The following MCCC2 variants were observed in gnomAD, a reference collection of about 807,000 sequenced individuals.
The protein encoded by MCCC2 is methylcrotonyl-CoA carboxylase subunit 2.
MCCC2 carries 52 observed loss-of-function variants against 77.2 expected under a neutral mutation model. The observed-to-expected ratio is 0.67, with a 90% CI of 0.54 to 0.85. The LOEUF is 0.85. Ranked by LOEUF, MCCC2 falls within the 40% of genes least tolerant of loss-of-function variation. MCCC2 has a pLI of 0.00. For missense variants in MCCC2, 682 were observed against 703.2 expected, an observed-to-expected ratio of 0.97 and a Z score of 0.34; for synonymous variants, 253 against 248.4, an observed-to-expected ratio of 1.02 and a Z score of -0.18.
At chr5:71,640,234 A>G (rs1032699999) in intron 10 of MCCC2, among the ~76,000 whole-genome samples, 2 of 152,254 alleles carry the variant, frequency 1.3e-5, no homozygotes, top group Non-Finnish European at 1.5e-5. Flanking sequence ...TGAGAGCCTG[A>G]CAGTATGCTT....
intron 6 of MCCC2, among the ~76,000 whole-genome samples, chr5:71,611,771 A>G (rs1490170608): frequency 6.6e-6 from 1 of 151,894 alleles, no homozygotes; most frequent in African/African-American, 2.4e-5. Flanking sequence ...CTATATCTCA[A>G]ATACTTTATT....
chr5:71,633,887 ATGT>A (rs917006130), intron 8 of MCCC2, among the ~76,000 whole-genome samples: 12 of 152,204 alleles, frequency 7.9e-5, no homozygotes, highest in Non-Finnish European at 1.5e-4. Context: ...ACATGATAAA[ATGT>A]TGTATTAAAT....
rs1348859637 is a variant in MCCC2 at position 71,587,443 on chromosome 5, G to A, written c.18G>A (p.Arg6=). The A allele has an allele frequency of 6.5e-7, 1 of 1,535,230 alleles. No homozygotes were observed. Among genetic ancestry groups the A allele is most frequent in the East Asian group, 2.4e-5 (1 of 40,956 alleles). MWAVL[R]LALRPCARAS... Reference sequence around the variant, plus strand: ...CCGCCGCCATGTGGGCCGTCCTGAGGTTAGCCCTGCGGCCGTGTGCCCGCG... The same window carrying A: ...CCGCCGCCATGTGGGCCGTCCTGAGATTAGCCCTGCGGCCGTGTGCCCGCG... Residue 6 remains arginine, a synonymous_variant, in exon 1 of 17, where the codon AGG becomes AGA. Coordinates refer to ENST00000340941, the MANE Select transcript of MCCC2 (RefSeq NM_022132.5).
chr5:71,596,207 TATTATG>T, intron 2 of MCCC2, 67 bp from the exon 3 acceptor site: 1 of 554,968 alleles, frequency 1.8e-6, no homozygotes. Flanking sequence ...TTGGATTAAG[TATTATG>T]TTTTTCTGGC....
intron 4 of MCCC2, 103 bp from the exon 5 acceptor site, chr5:71,602,402 AC>A (rs1161064291): frequency 2.6e-5 from 36 of 1,395,578 alleles, no homozygotes; most frequent in Non-Finnish European, 3.5e-5. Flanking sequence ...TAATAGTGAT[AC>A]GTACTAGAAG....
chr5:71,651,459 T>C (rs1391180), intron 15 of MCCC2, among the ~76,000 whole-genome samples: 121,617 of 152,206 alleles, frequency 0.8, 49,928 homozygotes, highest in East Asian at 0.98. Context: ...TTAACTCCTG[T>C]GTAAGCACCA....
rs991091184 is a variant in MCCC2, at chr5:71,602,533, T to A, written c.411T>A (p.Asp137Glu). 9.3e-6 allele frequency: 15 copies of A among 1,614,048 alleles called. No homozygotes were observed. The highest frequency in any genetic ancestry group is 1.3e-5 in the African/African-American group (1 of 74,930). The change falls in exon 5 of 17, where the codon GAT becomes GAA. Residue 137 changes from aspartate to glutamate, a missense_variant. Transcript: ENST00000340941. The stretch of plus-strand genomic sequence containing the variant: ...TAGAATGCATGATTATTGCCAATGA[T>A]GCCACCGTCAAAGGAGGTGCCTACT... ...SGVECMIIANDATVKGGAYYP... is the reference protein window; with the variant it reads ...SGVECMIIANEATVKGGAYYP...
At position 71,604,353 on chromosome 5, in the gene MCCC2, C is replaced by A; in HGVS notation, c.512-3C>A. ...GCTTATGTTTCTCATTTCTTGTCTT[C>A]AGTTGATTCGGGAGGAGCATACTTA... On this transcript the variant is annotated splice_region_variant and splice_polypyrimidine_tract_variant and intron_variant, in intron 5 of 16. Coordinates refer to ENST00000340941, the MANE Select transcript of MCCC2 (RefSeq NM_022132.5). The A allele has an allele frequency of 6.2e-7, 1 of 1,612,864 alleles. No homozygotes were observed. The highest frequency in any genetic ancestry group is 8.5e-7 in the Non-Finnish European group (1 of 1,178,832).
intron 11 of MCCC2, 38 bp downstream of exon 11, chr5:71,641,113 G>T (rs567037694): frequency 6.4e-7 from 1 of 1,562,464 alleles, no homozygotes; most frequent in South Asian, 1.1e-5. Context: ...AACATTTTCT[G>T]CTGCTTTGAA....
chr5:71,598,199 G>A (rs1745268083), intron 3 of MCCC2, among the ~76,000 whole-genome samples: 1 of 151,562 alleles, frequency 6.6e-6, no homozygotes, highest in African/African-American at 2.4e-5. Context: ...AGCCTCCCGA[G>A]TAGCTGGATT....
intron 6 of MCCC2, among the ~76,000 whole-genome samples, chr5:71,619,389 G>A (rs1580304136): frequency 6.6e-6 from 1 of 152,166 alleles, no homozygotes; most frequent in East Asian, 1.9e-4. Context: ...AAGTGGTTGG[G>A]ACTTCAGGTG....
intron 16 of MCCC2, 131 bp downstream of exon 16, chr5:71,652,885 A>T: frequency 1.2e-6 from 1 of 801,294 alleles, no homozygotes; most frequent in Non-Finnish European, 2.1e-6. Context: ...GGACACACTT[A>T]ATTTTGTACT....
chr5:71,595,607 A>G (rs1561818697), intron 2 of MCCC2, among the ~76,000 whole-genome samples: 1 of 152,196 alleles, frequency 6.6e-6, no homozygotes, highest in Non-Finnish European at 1.5e-5. Context: ...TAAAGGTACA[A>G]TTTGATACTT....
At position 71,650,165 on chromosome 5, in the gene MCCC2, A is replaced by T. The variant is rs758144158; in HGVS notation, c.1470A>T (p.Arg490Ser). ...TGGCCACGATAACAAAGGACCAAAGAGCCCGGGAAGGAAAGCAGGTCGGTG... is the reference window on the plus strand; with the variant it reads ...TGGCCACGATAACAAAGGACCAAAGTGCCCGGGAAGGAAAGCAGGTCGGTG... ...NVLATITKDQ[R>S]AREGKQFSSA... Residue 490 changes from arginine (R) to serine (S), a missense_variant, in exon 15 of 17, where the codon AGA (arginine) becomes AGT (serine). Physicochemically the swap from Arg to Ser is moderately radical, Grantham distance 110. Transcript: ENST00000340941. 3.7e-6 allele frequency: 6 copies of T among 1,614,152 alleles called. No individual in the cohort carries two copies. The highest frequency in any genetic ancestry group is 3.4e-6 in the Non-Finnish European group (4 of 1,179,976).
chr5:71,637,963 C>T lies in MCCC2; in HGVS notation c.999+2717C>T, dbSNP rs190377872. On this transcript the variant is annotated intron_variant, in intron 10 of 16. Coordinates refer to ENST00000340941, the MANE Select transcript of MCCC2 (RefSeq NM_022132.5). ...TCCGGACTTCATGATCTGCCCGCCT[C>T]GGCCTCCCAAAGTGCTGGGATTACA... Among the ~76,000 whole-genome samples, 640 of 152,218 alleles carry T rather than the reference C, an allele frequency of 4.2e-3. 1 individual carries two copies. Among genetic ancestry groups the T allele is most frequent in the African/African-American group, 0.015 (616 of 41,538 alleles).
rs1231509058 is a variant in MCCC2, at chr5:71,633,121, A to ATTTT, written c.803+937_803+938insTTTT. 1.7e-3 allele frequency among the ~76,000 whole-genome samples: 50 copies of ATTTT among 29,820 alleles called. 2 individuals are homozygous for ATTTT. Among genetic ancestry groups the ATTTT allele is most frequent in the Admixed American group, 2.6e-3 (5 of 1,904 alleles). 19.6% of individuals were successfully genotyped at this position (29,820 alleles called of 152,430 possible). ...TATATATATATATATATATATATAT[A>ATTTT]TATATATATATTTTTATTTTTTGTA... On this transcript the variant is annotated intron_variant, in intron 8 of 16. Coordinates refer to ENST00000340941, the MANE Select transcript of MCCC2 (RefSeq NM_022132.5).
intron 5 of MCCC2, among the ~76,000 whole-genome samples, chr5:71,603,965 A>G (rs1274633461): frequency 6.6e-6 from 1 of 152,190 alleles, no homozygotes; most frequent in Non-Finnish European, 1.5e-5. Context: ...TGCAATGAAA[A>G]CAGTATCAGA....
At chr5:71,592,855 GA>G in intron 1 of MCCC2, 70 bp from the exon 2 acceptor site, 23 of 569,964 alleles carry the variant, frequency 4.0e-5, no homozygotes, top group South Asian at 5.1e-5. Flanking sequence ...TTTTTTTTTT[GA>G]CCTTTATTTT....
At chr5:71,637,925 G>A (rs1746986050) in intron 10 of MCCC2, among the ~76,000 whole-genome samples, 1 of 152,078 alleles carries the variant, frequency 6.6e-6, no homozygotes, top group South Asian at 2.1e-4. Context: ...TATTAGCCAG[G>A]ATAGTCTTGA....
Sources: gnomAD v4.1 joint callset for allele counts (sites outside exome capture counted in the v4.1 genomes callset) on GRCh38, gnomAD v4.1.1 for gene constraint, MANE v1.5 for transcripts, NCBI Gene and HGNC (gene_info 2026-07-23, HGNC 2026-07-21) for gene names.